The following GABRB1 variants were observed in gnomAD, a reference collection of about 807,000 sequenced individuals.
GABRB1 encodes gamma-aminobutyric acid receptor subunit beta-1.
A neutral mutation model predicts 51.6 loss-of-function variants in GABRB1; 17 were observed. The ratio of observed to expected loss-of-function variants is 0.33; its 90% CI spans 0.23 to 0.49. GABRB1 has a LOEUF of 0.49. Among genes scored for constraint, GABRB1 ranks in the 20% least tolerant of loss-of-function variants. The pLI is 0.99. For synonymous variants in GABRB1, 247 were observed against 218.9 expected (o/e 1.13, Z -1.14); for missense variants, 410 against 600.6 (o/e 0.68, Z 3.32).
chr4:47,186,503 T>C (rs1390340331), intron 4 of GABRB1, among the ~76,000 whole-genome samples: 4 of 151,814 alleles, frequency 2.6e-5, no homozygotes, highest in African/African-American at 7.2e-5. Flanking sequence ...TAATTCAGGG[T>C]ATCTAATGTC....
At chr4:47,190,489 A>G (rs556184847) in intron 4 of GABRB1, among the ~76,000 whole-genome samples, 1 of 152,260 alleles carries the variant, frequency 6.6e-6, no homozygotes, top group Non-Finnish European at 1.5e-5. Flanking sequence ...AAACCTGATC[A>G]TTGTCAGCAC....
intron 3 of GABRB1, among the ~76,000 whole-genome samples, chr4:47,120,177 G>A (rs1276729973): frequency 2.0e-5 from 3 of 152,098 alleles, no homozygotes; most frequent in Non-Finnish European, 4.4e-5. Flanking sequence ...AACAATGTGT[G>A]TATGTGTGTA....
chr4:47,381,176 G>A (rs542567445), intron 5 of GABRB1, among the ~76,000 whole-genome samples: 13 of 152,182 alleles, frequency 8.5e-5, no homozygotes, highest in Admixed American at 2.6e-4. Flanking sequence ...CCTCACCCTT[G>A]GGAGCTAAGG....
intron 4 of GABRB1, among the ~76,000 whole-genome samples, chr4:47,291,029 G>A (rs1230772964): frequency 6.6e-6 from 1 of 152,198 alleles, no homozygotes; most frequent in Non-Finnish European, 1.5e-5. Flanking sequence ...TGGGGAAAAT[G>A]TCTCCAGGGC....
At chr4:47,311,237 T>TGCAACAACA in intron 4 of GABRB1, among the ~76,000 whole-genome samples, 1 of 142,532 alleles carries the variant, frequency 7.0e-6, no homozygotes, top group South Asian at 2.3e-4. Flanking sequence ...CTACTAAAAA[T>TGCAACAACA]ACAACAACAA....
chr4:47,318,446 TCAA>T (rs926824864), intron 4 of GABRB1, among the ~76,000 whole-genome samples: 28 of 152,060 alleles, frequency 1.8e-4, no homozygotes, highest in South Asian at 4.1e-4. Context: ...ATCATCATCA[TCAA>T]CAACAACAAC....
At chr4:47,355,536 T>C (rs1422327868) in intron 5 of GABRB1, among the ~76,000 whole-genome samples, 1 of 152,128 alleles carries the variant, frequency 6.6e-6, no homozygotes, top group Non-Finnish European at 1.5e-5. Flanking sequence ...GATTTTGCAG[T>C]GACAAAAAAC....
At chr4:47,150,421 T>C (rs1289949161) in intron 3 of GABRB1, among the ~76,000 whole-genome samples, 1 of 151,412 alleles carries the variant, frequency 6.6e-6, no homozygotes, top group Non-Finnish European at 1.5e-5. Context: ...TGCAGAATTG[T>C]TTTAGTTGTA....
At chr4:47,417,226 A>C (rs184240271) in intron 8 of GABRB1, among the ~76,000 whole-genome samples, 9 of 152,118 alleles carry the variant, frequency 5.9e-5, no homozygotes, top group Admixed American at 5.9e-4. Flanking sequence ...GCAACATCTA[A>C]ACTAGTGTTT....
intron 3 of GABRB1, among the ~76,000 whole-genome samples, chr4:47,120,358 T>G (rs1338166691): frequency 6.6e-6 from 1 of 152,146 alleles, no homozygotes; most frequent in Non-Finnish European, 1.5e-5. Context: ...CAAGGAAACA[T>G]TGGACTTAAT....
At chr4:47,204,499 A>G (rs4694836) in intron 4 of GABRB1, among the ~76,000 whole-genome samples, 1 of 151,902 alleles carries the variant, frequency 6.6e-6, no homozygotes, top group East Asian at 1.9e-4. Flanking sequence ...TAACCCTAAC[A>G]CTAACCCTAA....
Position 47,251,881 on chromosome 4 carries a change from G to A in GABRB1, c.462-68246G>A, listed in dbSNP as rs571026895. On this transcript the variant is annotated intron_variant, in intron 4 of 8. Transcript: ENST00000295454. ...GAGTCTATTTTCAGGCAGTGGGCGA[G>A]CCAGACTTGAGAACTTGCCCCAGGC... is the stretch of plus-strand genomic sequence containing the variant. Among the ~76,000 whole-genome samples, 881 of 152,280 alleles carry A rather than the reference G, an allele frequency of 5.8e-3. 3 individuals carry two copies. Among genetic ancestry groups the A allele is most frequent in the Non-Finnish European group, 8.3e-3 (564 of 68,012 alleles).
intron 3 of GABRB1, among the ~76,000 whole-genome samples, chr4:47,057,143 G>T (rs1726647958): frequency 6.6e-6 from 1 of 152,024 alleles, no homozygotes; most frequent in African/African-American, 2.4e-5. Flanking sequence ...ATAAGGCATG[G>T]TCTCAAATGC....
chr4:47,107,221 G>A lies in GABRB1; in HGVS notation c.241-54028G>A, dbSNP rs527766485. ...ATTCCCTATTCTTTTTGTTTATGAT[G>A]ATCTCTTCATGTAATTGCACTACCA... On this transcript the variant is annotated intron_variant, in intron 3 of 8. Coordinates refer to ENST00000295454, the MANE Select transcript of GABRB1 (RefSeq NM_000812.4). Among the ~76,000 whole-genome samples, 154 of 152,082 alleles carry A rather than the reference G, an allele frequency of 1.0e-3. 1 individual carries two copies. The highest frequency in any genetic ancestry group is 3.5e-3 in the African/African-American group (146 of 41,512).
At chr4:47,032,787 C>CTAAAT in intron 3 of GABRB1, 1 of 589,352 alleles carries the variant, frequency 1.7e-6, no homozygotes, top group East Asian at 4.0e-5. Context: ...GGTTTCCCTG[C>CTAAAT]GTGTTTGGAT....
At chr4:47,066,396 T>C (rs1727083931) in intron 3 of GABRB1, among the ~76,000 whole-genome samples, 1 of 152,204 alleles carries the variant, frequency 6.6e-6, no homozygotes, top group Non-Finnish European at 1.5e-5. Context: ...ACACTTTCTT[T>C]CATGAAAGAC....
At chr4:47,376,771 G>C (rs1727397995) in intron 5 of GABRB1, among the ~76,000 whole-genome samples, 2 of 135,884 alleles carry the variant, frequency 1.5e-5, no homozygotes. Flanking sequence ...AAATGGAAGA[G>C]GCAGTGACAG....
chr4:47,015,998 A>G (rs1407313041), intron 1 of GABRB1, among the ~76,000 whole-genome samples: 1 of 152,236 alleles, frequency 6.6e-6, no homozygotes, highest in Non-Finnish European at 1.5e-5. Flanking sequence ...AGCGAGGACT[A>G]GACCTTGAAA....
At chr4:47,240,836 G>A (rs764993111) in intron 4 of GABRB1, among the ~76,000 whole-genome samples, 2 of 152,080 alleles carry the variant, frequency 1.3e-5, no homozygotes, top group African/African-American at 2.4e-5. Flanking sequence ...AATATTACCT[G>A]CCTTTATTAT....
Sources: gnomAD v4.1 joint callset for allele counts (sites outside exome capture counted in the v4.1 genomes callset) on GRCh38, gnomAD v4.1.1 for gene constraint, MANE v1.5 for transcripts, NCBI Gene and HGNC (gene_info 2026-07-23, HGNC 2026-07-21) for gene names.